Variants in RHOBTB1 observed in about 807,000 individuals in gnomAD.
The protein encoded by RHOBTB1 is Rho related BTB domain containing 1, also known as rho-related BTB domain-containing protein 1.
A neutral mutation model predicts 71.6 loss-of-function variants in RHOBTB1; 40 were observed. The ratio of observed to expected loss-of-function variants is 0.56; its 90% CI spans 0.43 to 0.73. RHOBTB1 has a LOEUF of 0.73. Ranked by LOEUF, RHOBTB1 falls within the 30% of genes least tolerant of loss-of-function variation. The pLI, the probability that RHOBTB1 is intolerant of heterozygous loss-of-function variation, is 0.00. For synonymous variants in RHOBTB1, 319 were observed against 334.9 expected (o/e 0.95, Z 0.52); for missense variants, 797 against 894.0 (o/e 0.89, Z 1.38).
intron 2 of RHOBTB1, among the ~76,000 whole-genome samples, chr10:60,953,366 C>T (rs899289112): frequency 6.6e-6 from 1 of 152,072 alleles, no homozygotes; most frequent in African/African-American, 2.4e-5. Flanking sequence ...TGCTGAAGGC[C>T]CGGCTTCTCT....
At chr10:60,999,029 A>G (rs2135056760) in intron 1 of RHOBTB1, among the ~76,000 whole-genome samples, 1 of 152,334 alleles carries the variant, frequency 6.6e-6, no homozygotes, top group South Asian at 2.1e-4. Flanking sequence ...TTAATGAGAT[A>G]TTGTGGCACA....
At chr10:60,979,062 A>G (rs2086407388) in intron 2 of RHOBTB1, among the ~76,000 whole-genome samples, 1 of 152,162 alleles carries the variant, frequency 6.6e-6, no homozygotes, top group South Asian at 2.1e-4. Context: ...CTTCCTTGTC[A>G]TCAGTAGGTA....
intron 8 of RHOBTB1, chr10:60,876,974 C>T (rs1167448888): frequency 6.6e-6 from 1 of 152,224 alleles, no homozygotes; most frequent in Non-Finnish European, 1.5e-5. Flanking sequence ...TGCTCAGGCA[C>T]TCAGAAGAAA....
intron 2 of RHOBTB1, among the ~76,000 whole-genome samples, 160 bp from the exon 3 acceptor site, chr10:60,911,712 C>T (rs761746188): frequency 2.7e-4 from 41 of 152,214 alleles, no homozygotes; most frequent in Non-Finnish European, 5.7e-4. Flanking sequence ...GCCTAATTGA[C>T]ACTCAAGTTT....
chr10:60,995,710 A>C (rs574676834), intron 1 of RHOBTB1, among the ~76,000 whole-genome samples: 1 of 152,356 alleles, frequency 6.6e-6, no homozygotes, highest in African/African-American at 2.4e-5. Context: ...TCAGAAGTAC[A>C]CACAGCATTT....
chr10:60,998,990 C>T (rs1397546566), intron 1 of RHOBTB1, among the ~76,000 whole-genome samples: 13 of 152,208 alleles, frequency 8.5e-5, no homozygotes, highest in East Asian at 7.7e-4. Flanking sequence ...ACACAGACAA[C>T]GCCTGCCTCA....
intron 1 of RHOBTB1, among the ~76,000 whole-genome samples, chr10:60,990,174 G>A (rs988273523): frequency 2.0e-5 from 3 of 151,688 alleles, no homozygotes; most frequent in African/African-American, 2.4e-5. Context: ...TAGTAGAGTC[G>A]GGGTTTCACC....
downstream of RHOBTB1, among the ~76,000 whole-genome samples, chr10:60,867,731 G>A (rs2080643256): frequency 6.6e-6 from 1 of 152,184 alleles, no homozygotes; most frequent in African/African-American, 2.4e-5. Context: ...CAATTTAGAA[G>A]CACTGTCAGC....
At chr10:60,863,427 G>A in the RHOBTB1 span, among the ~76,000 whole-genome samples, 231 of 149,204 alleles carry the variant, frequency 1.5e-3, 1 homozygote, top group African/African-American at 5.4e-3. Flanking sequence ...TGCTGATAGC[G>A]CACAAAACTT....
rs149556089 is a variant in RHOBTB1 at position 60,878,121 on chromosome 10, G to A, written c.1576-63C>T. On this transcript the variant is annotated intron_variant, in intron 7 of 10. Coordinates refer to ENST00000337910, the MANE Select transcript of RHOBTB1 (RefSeq NM_014836.5). ...AAGCAGGGAGTGGGCACATTTTCAG[G>A]CTATGCTGCTTATAAATATCCTGTG... 6.8e-6 allele frequency: 9 copies of A among 1,318,462 alleles called. No individual in the cohort carries two copies. In the East Asian group the frequency reaches 2.1e-4, roughly 31 times the overall value. 81.7% of individuals were successfully genotyped at this position (1,318,462 alleles called of 1,614,324 possible).
chr10:60,888,617 T>G lies in RHOBTB1; in HGVS notation c.1051A>C (p.Lys351Gln), dbSNP rs746041419. The change falls in exon 6 of 11, where the codon AAG (lysine) becomes CAG (glutamine). Residue 351 changes from lysine to glutamine, a missense_variant. Physicochemically the swap from Lys to Gln is moderately conservative, Grantham distance 53. Around this residue, in one of 2 missense-constraint regions of RHOBTB1, gnomAD observed 658 missense variants for 681.5 expected, o/e 0.97. Coordinates refer to ENST00000337910, the MANE Select transcript of RHOBTB1 (RefSeq NM_014836.5). ...AGCCCCAGAGCCTCCACCAGGCTCT[T>G]GTTTGAAGACTTCCACTGGTCGGCC... ...PQADQWKSSNKSLVEALGLEA... is the reference protein window; with the variant it reads ...PQADQWKSSNQSLVEALGLEA... The G allele has an allele frequency of 6.2e-7, 1 of 1,614,192 alleles. No homozygotes were observed. Among genetic ancestry groups the G allele is most frequent in the Non-Finnish European group, 8.5e-7 (1 of 1,180,026 alleles).
intron 2 of RHOBTB1, among the ~76,000 whole-genome samples, chr10:60,914,586 C>T (rs1188596980): frequency 6.6e-6 from 1 of 152,062 alleles, no homozygotes; most frequent in Non-Finnish European, 1.5e-5. Flanking sequence ...AATTAGTTTT[C>T]TGGTAGGCTT....
In RHOBTB1 at chr10:60,869,907, T is replaced by G. The variant is rs1412655874; in HGVS notation, c.*1575A>C. 1.3e-5 allele frequency: 2 copies of G among 152,662 alleles called. No individual in the cohort carries two copies. Among genetic ancestry groups the G allele is most frequent in the Non-Finnish European group, 2.9e-5 (2 of 68,038 alleles). The allele number at this position is 152,662 out of a possible 1,614,324, so 9.5% of individuals were successfully genotyped here. ...TGGTGTTTCCACTGCCAGTAATAAATGCCCATCTGTAATCTAGATAGATTT... is the reference window on the plus strand; with the variant it reads ...TGGTGTTTCCACTGCCAGTAATAAAGGCCCATCTGTAATCTAGATAGATTT... On this transcript the variant is annotated 3_prime_UTR_variant, in exon 11 of 11. Coordinates refer to ENST00000337910, the MANE Select transcript of RHOBTB1 (RefSeq NM_014836.5).
chr10:60,948,549 C>G (rs1461906867), upstream of RHOBTB1, among the ~76,000 whole-genome samples: 1 of 152,210 alleles, frequency 6.6e-6, no homozygotes, highest in South Asian at 2.1e-4. Flanking sequence ...GAGATTCATG[C>G]TGTCCATCTC....
intron 2 of RHOBTB1, among the ~76,000 whole-genome samples, chr10:60,979,595 G>A (rs1227189030): frequency 6.6e-6 from 1 of 152,120 alleles, no homozygotes; most frequent in Non-Finnish European, 1.5e-5. Context: ...CCAATACCAG[G>A]CACTGGAGTA....
chr10:60,865,074 A>C (rs1447694123), downstream of RHOBTB1, among the ~76,000 whole-genome samples: 2 of 152,222 alleles, frequency 1.3e-5, no homozygotes, highest in African/African-American at 2.4e-5. Flanking sequence ...CAAACCTGGT[A>C]ATGGGAGAGG....
intron 5 of RHOBTB1, 27 bp downstream of exon 5, chr10:60,892,782 CA>C (rs2071675633): frequency 1.3e-6 from 2 of 1,596,260 alleles, no homozygotes; most frequent in African/African-American, 2.7e-5. Context: ...TTGGTCAGGA[CA>C]GGGAAACACT....
upstream of RHOBTB1, among the ~76,000 whole-genome samples, chr10:60,946,653 T>C (rs1249717827): frequency 6.6e-6 from 1 of 152,234 alleles, no homozygotes; most frequent in African/African-American, 2.4e-5. Flanking sequence ...TTCCTCAGTT[T>C]CTTCCATTTT....
intron 7 of RHOBTB1, among the ~76,000 whole-genome samples, chr10:60,885,740 C>T (rs2081537882): frequency 6.6e-6 from 1 of 152,196 alleles, no homozygotes; most frequent in African/African-American, 2.4e-5. Flanking sequence ...GGGAGACATG[C>T]TCCTCTTGTA....
Sources: gnomAD v4.1 joint callset for allele counts (sites outside exome capture counted in the v4.1 genomes callset) on GRCh38, gnomAD v4.1.1 for gene constraint, gnomAD v4.1.1 regional missense constraint, MANE v1.5 for transcripts, NCBI Gene and HGNC (gene_info 2026-07-23, HGNC 2026-07-21) for gene names.